The following INPP5J variants were observed in gnomAD, a reference collection of about 807,000 sequenced individuals.
The protein encoded by INPP5J is phosphatidylinositol 4,5-bisphosphate 5-phosphatase A.
A neutral mutation model predicts 86.6 loss-of-function variants in INPP5J; 75 were observed. The observed-to-expected ratio is 0.87, with a 90% CI of 0.72 to 1.05. The LOEUF (loss-of-function observed/expected upper bound fraction) is 1.05, where lower values mean the gene tolerates loss of function less well. Among genes scored for constraint, INPP5J ranks in the 50% least tolerant of loss-of-function variants. The pLI, the probability that INPP5J is intolerant of heterozygous loss-of-function variation, is 0.00. For missense variants in INPP5J, 1,229 were observed against 1,341.2 expected (o/e 0.92, Z 1.31); for synonymous variants, 540 against 550.0 (o/e 0.98, Z 0.25).
In INPP5J at chr22:31,133,495, G is replaced by C. The variant is rs755491855; in HGVS notation, c.2409+12G>C. ...GGAATACCTACCAGGTACTTAAAAG[G>C]AGTGGGAGAGTCAGGGCAAGTCCTT... On this transcript the variant is annotated intron_variant, in intron 11 of 12. Coordinates refer to ENST00000331075, the MANE Select transcript of INPP5J (RefSeq NM_001284285.2). The C allele has an allele frequency of 4.3e-6, 7 of 1,611,956 alleles. No homozygotes were observed. In the East Asian group the frequency reaches 1.3e-4, roughly 31 times the overall value.
Position 31,125,795 on chromosome 22 carries a change from A to C in INPP5J, c.1056A>C (p.Pro352=). The change falls in exon 2 of 13, where the codon CCA becomes CCC. Residue 352 remains proline (P), a synonymous_variant. Coordinates refer to ENST00000331075, the MANE Select transcript of INPP5J (RefSeq NM_001284285.2). ...CACCCCGATCACCCAGCCGTTCCCCAAGCCACTCCCCGAATCGCTCTCCCT... is the reference window on the plus strand; with the variant it reads ...CACCCCGATCACCCAGCCGTTCCCCCAGCCACTCCCCGAATCGCTCTCCCT... ...PKPPRSPSRS[P]SHSPNRSPCV... The C allele has an allele frequency of 6.3e-7, 1 of 1,576,056 alleles. No homozygotes were observed. The highest frequency in any genetic ancestry group is 1.2e-5 in the South Asian group (1 of 86,120).
chr22:31,132,306 A>G (rs1447125391), intron 9 of INPP5J, among the ~76,000 whole-genome samples: 1 of 152,172 alleles, frequency 6.6e-6, no homozygotes, highest in African/African-American at 2.4e-5. Flanking sequence ...CCAGTGCATC[A>G]TAGGATTTTA....
At chr22:31,124,562 C>G (rs1488286958) in intron 1 of INPP5J, among the ~76,000 whole-genome samples, 1 of 152,124 alleles carries the variant, frequency 6.6e-6, no homozygotes, top group African/African-American at 2.4e-5. Flanking sequence ...AAGGCAAGTC[C>G]TCAGGTTTAG....
Position 31,133,419 on chromosome 22 carries a change from A to AT in INPP5J, c.2347dup (p.Cys783LeufsTer13). The stretch of plus-strand genomic sequence containing the variant: ...CTGATCCCCCAGGTGGGTTTCCGCC[A>AT]TTGCAAGGACTATGTGGCTTATGTC... On this transcript the variant is annotated frameshift_variant, in exon 11 of 13. Transcript: ENST00000331075. LOFTEE classifies it high-confidence loss of function. The AT allele has an allele frequency of 6.2e-7, 1 of 1,613,902 alleles. No homozygotes were observed. The highest frequency in any genetic ancestry group is 8.5e-7 in the Non-Finnish European group (1 of 1,179,834).
At position 31,126,815 on chromosome 22, in the gene INPP5J, T is replaced by C. The variant is rs1176446753; in HGVS notation, c.1494+94T>C. The C allele has an allele frequency of 1.7e-5, 24 of 1,421,702 alleles. No homozygotes were observed. The East Asian group carries it at 5.2e-4, about 31-fold the overall frequency. The allele number at this position is 1,421,702 out of a possible 1,614,324, so 88.1% of individuals were successfully genotyped here. ...CTCACTGTGGGGCCCGCTGGGCCTC[T>C]GTGGCTGGGTCCGTGACATGGGTGG... On this transcript the variant is annotated intron_variant, in intron 4 of 12. Transcript: ENST00000331075.
chr22:31,128,463 C>G lies in INPP5J; in HGVS notation c.2010-8C>G, dbSNP rs1921725854. ...CCCTGAAACTTGGGGTACCCCTGCT[C>G]ACTGCAGTGCCAAGAAACGGAAGCC... On this transcript the variant is annotated splice_region_variant and splice_polypyrimidine_tract_variant and intron_variant, in intron 8 of 12. Coordinates refer to ENST00000331075, the MANE Select transcript of INPP5J (RefSeq NM_001284285.2). 6.2e-7 allele frequency: 1 copy of G among 1,613,080 alleles called. No individual in the cohort carries two copies. The highest frequency in any genetic ancestry group is 1.7e-5 in the Admixed American group (1 of 59,948).
At chr22:31,129,680 A>G (rs1372936385) in intron 9 of INPP5J, among the ~76,000 whole-genome samples, 1 of 148,616 alleles carries the variant, frequency 6.7e-6, no homozygotes, top group African/African-American at 2.5e-5. Context: ...AGTAACTGGG[A>G]TTACAGCTGC....
In INPP5J at chr22:31,128,511, T is replaced by C; in HGVS notation, c.2050T>C (p.Trp684Arg). The C allele has an allele frequency of 6.2e-7, 1 of 1,613,454 alleles. No homozygotes were observed. Among genetic ancestry groups the C allele is most frequent in the Non-Finnish European group, 8.5e-7 (1 of 1,179,860 alleles). Residue 684 changes from tryptophan (W) to arginine (R), a missense_variant, in exon 9 of 13, where the codon TGG becomes CGG. Transcript: ENST00000331075. ...RKPAWTDRIL[W>R]KVKAPGGGPS... ...GCCAGCTTGGACAGACCGTATCCTA[T>C]GGAAGGTCAAGGCTCCAGGTGGGGG...
rs756099799 is a variant in INPP5J at position 31,127,078 on chromosome 22, G to A, written c.1611+41G>A. ...GGCCCAGAAGAGGATGGGACATGAA[G>A]GGGGCTTTAGATTAGTCCCCCCGCC... On this transcript the variant is annotated intron_variant, in intron 5 of 12. Transcript: ENST00000331075. 21 of 1,367,622 alleles carry A rather than the reference G, an allele frequency of 1.5e-5. No individual in the cohort carries two copies. The South Asian group carries it at 2.5e-4, about 16-fold the overall frequency. 84.7% of individuals were successfully genotyped at this position (1,367,622 alleles called of 1,614,324 possible).
intron 9 of INPP5J, 131 bp from the exon 10 acceptor site, chr22:31,132,967 C>A: frequency 8.2e-7 from 1 of 1,221,556 alleles, no homozygotes; most frequent in Non-Finnish European, 1.1e-6. Context: ...ACCTGTTCTG[C>A]CTCAGTTTCC....
intron 9 of INPP5J, among the ~76,000 whole-genome samples, chr22:31,129,105 T>C (rs1019384486): frequency 2.6e-5 from 4 of 151,350 alleles, no homozygotes; most frequent in African/African-American, 9.7e-5. Flanking sequence ...CTAATTTTTG[T>C]ATTTTTAGTG....
At chr22:31,131,558 G>A (rs1922065504) in intron 9 of INPP5J, among the ~76,000 whole-genome samples, 1 of 148,042 alleles carries the variant, frequency 6.8e-6, no homozygotes, top group Non-Finnish European at 1.5e-5. Flanking sequence ...GCGAGACTCT[G>A]TCTCAAAAAA....
At chr22:31,129,244 T>TTTTTTC (rs1555981432) in intron 9 of INPP5J, among the ~76,000 whole-genome samples, 5 of 138,480 alleles carry the variant, frequency 3.6e-5, no homozygotes, top group Non-Finnish European at 6.2e-5. Context: ...TTTTTTTTTT[T>TTTTTTC]TTTTTTTTTC....
chr22:31,134,513 T>C lies in INPP5J; in HGVS notation c.*94T>C. ...CTCTCCTGCTGCTCCTCCAGCTGTA[T>C]CTGCACCTGCCTCTCTGTCCTGGCC... is the stretch of plus-strand genomic sequence containing the variant. On this transcript the variant is annotated 3_prime_UTR_variant, in exon 13 of 13. Coordinates refer to ENST00000331075, the MANE Select transcript of INPP5J (RefSeq NM_001284285.2). The C allele has an allele frequency of 1.6e-6, 2 of 1,288,010 alleles. No individual in the cohort carries two copies. Among genetic ancestry groups the C allele is most frequent in the Non-Finnish European group, 2.1e-6 (2 of 974,454 alleles). The allele number at this position is 1,288,010 out of a possible 1,614,324, so 79.8% of individuals were successfully genotyped here. A position where few individuals can be genotyped will look rare whatever the true frequency, so the allele number is the denominator to read the frequency against.
intron 1 of INPP5J, chr22:31,124,359 T>G: frequency 1.8e-5 from 16 of 886,720 alleles, no homozygotes; most frequent in Non-Finnish European, 2.2e-5. Context: ...AAGGGAGAGG[T>G]ATTTAACAAG....
Position 31,133,235 on chromosome 22 carries a change from G to A in INPP5J, c.2331G>A (p.Arg777=). 1 of 1,606,528 alleles carries A rather than the reference G, an allele frequency of 6.2e-7. No individual in the cohort carries two copies. Among genetic ancestry groups the A allele is most frequent in the Admixed American group, 1.7e-5 (1 of 59,232 alleles). The change falls in exon 10 of 13, where the codon CGG becomes CGA. Residue 777 remains arginine (R), a splice_region_variant and synonymous_variant. Coordinates refer to ENST00000331075, the MANE Select transcript of INPP5J (RefSeq NM_001284285.2). ...RSSWDWIGLY[R]VGFRHCKDYV... ...CCTGGGACTGGATCGGCTTATACCG[G>A]GTGAGAGGGGCAGTGGTGGTCAGCG...
At chr22:31,131,165 G>T (rs887323290) in intron 9 of INPP5J, among the ~76,000 whole-genome samples, 24 of 152,216 alleles carry the variant, frequency 1.6e-4, no homozygotes, top group African/African-American at 5.1e-4. Context: ...TGGCAAAAGT[G>T]TTGGGCATGA....
In INPP5J at chr22:31,126,726, C is replaced by T. The variant is rs375239062; in HGVS notation, c.1494+5C>T. ...GGGCCCTTCAACTTCGTGCTGGTAA[C>T]GCACCCCTCACCCCCTGGACAGCCA... On this transcript the variant is annotated splice_donor_5th_base_variant and intron_variant, in intron 4 of 12. Transcript: ENST00000331075. 96 of 1,606,714 alleles carry T rather than the reference C, an allele frequency of 6.0e-5. 1 individual carries two copies. Among genetic ancestry groups the T allele is most frequent in the South Asian group, 2.6e-4 (24 of 90,950 alleles).
intron 9 of INPP5J, among the ~76,000 whole-genome samples, chr22:31,132,562 A>G (rs1333884235): frequency 6.6e-6 from 1 of 152,036 alleles, no homozygotes; most frequent in Non-Finnish European, 1.5e-5. Flanking sequence ...CAACATGGTG[A>G]AACGCTGCCT....
Sources: gnomAD v4.1 joint callset for allele counts (sites outside exome capture counted in the v4.1 genomes callset) on GRCh38, gnomAD v4.1.1 for gene constraint, MANE v1.5 for transcripts, NCBI Gene and HGNC (gene_info 2026-07-23, HGNC 2026-07-21) for gene names.